The following ANKS1B variants were observed in gnomAD, a reference collection of about 807,000 sequenced individuals.
ANKS1B encodes the protein ankyrin repeat and sterile alpha motif domain-containing protein 1B.
ANKS1B carries 36 observed loss-of-function variants against 148.3 expected under a neutral mutation model. That is an observed-to-expected ratio of 0.24 (90% CI 0.19 to 0.32). The LOEUF is 0.32. ANKS1B is among the 10% of genes least tolerant of loss of function. The probability of loss-of-function intolerance (pLI) is 1.00; values close to 1 mark genes in which losing one functional copy is unlikely to be tolerated. For synonymous variants in ANKS1B, 542 were observed against 560.8 expected (o/e 0.97, Z 0.47); for missense variants, 1,157 against 1,542.6 (o/e 0.75, Z 4.19).
intron 17 of ANKS1B, among the ~76,000 whole-genome samples, chr12:98,891,740 T>C (rs1300279170): frequency 6.6e-6 from 1 of 150,628 alleles, no homozygotes; most frequent in Non-Finnish European, 1.5e-5. Context: ...GCATATTCAC[T>C]CAAATATGCA....
At chr12:99,871,932 G>A (rs2091567720) in intron 1 of ANKS1B, among the ~76,000 whole-genome samples, 1 of 151,894 alleles carries the variant, frequency 6.6e-6, no homozygotes, top group African/African-American at 2.4e-5. Context: ...TTCTAACTAG[G>A]ACTTCAAAAT....
At chr12:98,856,770 A>C (rs2099574006) in intron 17 of ANKS1B, among the ~76,000 whole-genome samples, 1 of 152,172 alleles carries the variant, frequency 6.6e-6, no homozygotes, top group African/African-American at 2.4e-5. Flanking sequence ...CTGGGGACAA[A>C]AAAGGAAGAG....
rs148827678 is a variant in ANKS1B at position 99,855,234 on chromosome 12, A to G, written c.135-29845T>C. Among the ~76,000 whole-genome samples, 1,153 of 152,292 alleles carry G rather than the reference A, an allele frequency of 7.6e-3. 10 individuals are homozygous for G. The highest frequency in any genetic ancestry group is 0.026 in the African/African-American group (1,090 of 41,566). ...AGATATTCCATGCCAATGGACACCA[A>G]AAGTGAACAGGAGTAACTAATATAT... is the stretch of plus-strand genomic sequence containing the variant. On this transcript the variant is annotated intron_variant, in intron 1 of 26. Transcript: ENST00000683438.
chr12:98,884,929 T>C (rs1316195653), intron 17 of ANKS1B, among the ~76,000 whole-genome samples: 2 of 152,096 alleles, frequency 1.3e-5, no homozygotes, highest in African/African-American at 4.8e-5. Context: ...CAATTCCATG[T>C]GGATGTCAAG....
chr12:99,483,314 A>G (rs762681932), intron 10 of ANKS1B, among the ~76,000 whole-genome samples: 4 of 151,888 alleles, frequency 2.6e-5, no homozygotes. Flanking sequence ...ATTGACTTGC[A>G]TATGTTAAAC....
At chr12:99,024,034 T>C (rs2099947329) in intron 17 of ANKS1B, among the ~76,000 whole-genome samples, 2 of 151,676 alleles carry the variant, frequency 1.3e-5, no homozygotes, top group Non-Finnish European at 2.9e-5. Context: ...GTGCCGAGAA[T>C]TGAGGTAATC....
At chr12:99,640,744 G>C (rs748237935) in intron 9 of ANKS1B, among the ~76,000 whole-genome samples, 1 of 152,176 alleles carries the variant, frequency 6.6e-6, no homozygotes, top group Non-Finnish European at 1.5e-5. Flanking sequence ...TGAGTGGGTA[G>C]GTAGATGGAT....
At chr12:99,754,534 C>G (rs532907653) in intron 8 of ANKS1B, among the ~76,000 whole-genome samples, 4 of 152,272 alleles carry the variant, frequency 2.6e-5, no homozygotes, top group Admixed American at 1.3e-4. Context: ...AACTCTCCCC[C>G]AGAATATACA....
chr12:98,914,676 A>G (rs897534861), intron 17 of ANKS1B, among the ~76,000 whole-genome samples: 2 of 151,496 alleles, frequency 1.3e-5, no homozygotes, highest in South Asian at 4.2e-4. Flanking sequence ...GCATTTTTCT[A>G]CATCGGGGTG....
At chr12:99,519,892 C>A (rs2096857995) in intron 9 of ANKS1B, among the ~76,000 whole-genome samples, 1 of 152,242 alleles carries the variant, frequency 6.6e-6, no homozygotes, top group Non-Finnish European at 1.5e-5. Context: ...ATTATTTTAA[C>A]TGGTGACAAT....
intron 1 of ANKS1B, among the ~76,000 whole-genome samples, chr12:99,891,443 C>T (rs2093104001): frequency 6.6e-6 from 1 of 152,006 alleles, no homozygotes; most frequent in East Asian, 1.9e-4. Context: ...TGGTCTTGAA[C>T]TCCTGGGCTC....
At chr12:98,832,708 C>T (rs969418456) in intron 17 of ANKS1B, among the ~76,000 whole-genome samples, 4 of 152,072 alleles carry the variant, frequency 2.6e-5, no homozygotes, top group Non-Finnish European at 4.4e-5. Flanking sequence ...GGTCCTCCCC[C>T]GCCTCCTTAT....
intron 17 of ANKS1B, among the ~76,000 whole-genome samples, chr12:98,910,675 A>G (rs562470670): frequency 6.6e-6 from 1 of 152,352 alleles, no homozygotes; most frequent in East Asian, 1.9e-4. Context: ...AATTTGTAGA[A>G]ACTTGTTGTA....
intron 12 of ANKS1B, among the ~76,000 whole-genome samples, chr12:99,266,820 C>A (rs569674218): frequency 6.6e-6 from 1 of 152,256 alleles, no homozygotes; most frequent in South Asian, 2.1e-4. Context: ...TATCTCCATT[C>A]ATTCTAAATA....
chr12:99,958,583 C>T (rs1825083551), intron 1 of ANKS1B, among the ~76,000 whole-genome samples: 1 of 152,142 alleles, frequency 6.6e-6, no homozygotes, highest in Non-Finnish European at 1.5e-5. Flanking sequence ...CGGGGTTTCG[C>T]CATGTTGGCC....
chr12:98,796,642 G>A (rs1384791929), intron 22 of ANKS1B, among the ~76,000 whole-genome samples: 1 of 152,176 alleles, frequency 6.6e-6, no homozygotes, highest in African/African-American at 2.4e-5. Flanking sequence ...ATCAAGAACT[G>A]AGACTTACTT....
chr12:99,111,244 A>G (rs1385628552), intron 15 of ANKS1B, among the ~76,000 whole-genome samples: 2 of 152,224 alleles, frequency 1.3e-5, no homozygotes, highest in African/African-American at 4.8e-5. Flanking sequence ...TAAAAATTCC[A>G]TTTTCTAATG....
chr12:99,963,280 A>G (rs569448090), intron 1 of ANKS1B, among the ~76,000 whole-genome samples: 8 of 152,026 alleles, frequency 5.3e-5, no homozygotes, highest in Admixed American at 6.6e-5. Context: ...GATTGCAAAA[A>G]TTTTCTCCCA....
intron 12 of ANKS1B, among the ~76,000 whole-genome samples, chr12:99,361,131 T>C (rs1329830030): frequency 1.3e-5 from 2 of 152,148 alleles, no homozygotes; most frequent in African/African-American, 2.4e-5. Context: ...GTAATTGGAT[T>C]GTTTGTACAC....
Sources: allele counts gnomAD v4.1 joint callset (sites outside exome capture counted in the v4.1 genomes callset), GRCh38; gene constraint gnomAD v4.1.1; transcripts MANE v1.5; gene names NCBI Gene and HGNC (gene_info 2026-07-23, HGNC 2026-07-21).